Variants in CCDC73 observed in about 807,000 individuals in gnomAD.
CCDC73 encodes the protein coiled-coil domain-containing protein 73.
In CCDC73, 95 loss-of-function variants were observed where a neutral mutation model predicts 116.5. That is an observed-to-expected ratio of 0.82 (90% CI 0.69 to 0.97). The LOEUF (loss-of-function observed/expected upper bound fraction) is 0.97, where lower values mean the gene tolerates loss of function less well. Ranked by LOEUF, CCDC73 falls within the 50% of genes least tolerant of loss-of-function variation. The pLI is 0.00. For missense variants in CCDC73, 1,066 were observed against 1,206.8 expected, an observed-to-expected ratio of 0.88 and a Z score of 1.73; for synonymous variants, 398 against 401.3, an observed-to-expected ratio of 0.99 and a Z score of 0.10.
intron 3 of CCDC73, among the ~76,000 whole-genome samples, chr11:32,714,470 A>C (rs747283833): frequency 2.6e-5 from 4 of 152,148 alleles, no homozygotes; most frequent in Non-Finnish European, 5.9e-5. Context: ...CCAAAAGCTC[A>C]GAGGTAATGT....
chr11:32,646,962 T>G (rs1293393548), intron 12 of CCDC73, among the ~76,000 whole-genome samples: 2 of 152,182 alleles, frequency 1.3e-5, no homozygotes, highest in African/African-American at 4.8e-5. Context: ...TTCTCTGAGT[T>G]TCTTTATAAA....
At chr11:32,756,876 A>T (rs1850348731) in intron 2 of CCDC73, among the ~76,000 whole-genome samples, 1 of 152,152 alleles carries the variant, frequency 6.6e-6, no homozygotes, top group African/African-American at 2.4e-5. Context: ...AAAATTTGCA[A>T]TAAAGATTTG....
the CCDC73 span, chr11:32,830,123 A>G: frequency 1.0e-6 from 1 of 996,790 alleles, no homozygotes; most frequent in South Asian, 4.7e-5. Flanking sequence ...GAACCGCCCC[A>G]AGAAGAGCCT....
intron 2 of CCDC73, among the ~76,000 whole-genome samples, chr11:32,750,251 C>A (rs1850275827): frequency 6.6e-6 from 1 of 152,150 alleles, no homozygotes; most frequent in South Asian, 2.1e-4. Flanking sequence ...GACACAAGCA[C>A]CCCTGTGACG....
Position 32,642,065 on chromosome 11 carries a change from A to G in CCDC73, c.957T>C (p.Asn319=). The stretch of plus-strand genomic sequence containing the variant: ...CTTTTACCTTCTCCCTTTGCAGCTC[A>G]TTATCTCTTTCAAGGGTCTGCAATA... The part of the protein sequence containing the change: ...KENNQTLERD[N]ELQREKVKEN... The change falls in exon 13 of 18, where the codon AAT becomes AAC. Residue 319 remains asparagine (N), a synonymous_variant. Coordinates refer to ENST00000335185, the MANE Select transcript of CCDC73 (RefSeq NM_001008391.4). 1 of 1,561,858 alleles carries G rather than the reference A, an allele frequency of 6.4e-7. No individual in the cohort carries two copies. Among genetic ancestry groups the G allele is most frequent in the Non-Finnish European group, 8.7e-7 (1 of 1,155,030 alleles).
At chr11:32,692,456 C>T (rs1329296011) in intron 6 of CCDC73, among the ~76,000 whole-genome samples, 7 of 151,972 alleles carry the variant, frequency 4.6e-5, no homozygotes, top group Non-Finnish European at 1.0e-4. Context: ...CTAGAAATAA[C>T]ATGTTATATA....
At chr11:32,819,067 G>A in the CCDC73 span, among the ~76,000 whole-genome samples, 2,728 of 151,802 alleles carry the variant, frequency 0.018, 83 homozygotes, top group African/African-American at 0.061. Flanking sequence ...GGTAAATTTT[G>A]TTATGTAAAT....
intron 1 of CCDC73, among the ~76,000 whole-genome samples, chr11:32,776,311 A>C (rs934633796): frequency 6.6e-6 from 1 of 152,144 alleles, no homozygotes; most frequent in Non-Finnish European, 1.5e-5. Context: ...TTTCTCCAGA[A>C]TTATTTTGCA....
chr11:32,730,777 T>C (rs982780522), intron 2 of CCDC73, among the ~76,000 whole-genome samples: 4 of 152,110 alleles, frequency 2.6e-5, no homozygotes, highest in African/African-American at 4.8e-5. Flanking sequence ...GCTAAATCTA[T>C]TGAGTTCTGA....
Position 32,699,317 on chromosome 11 carries a change from A to T in CCDC73, c.324T>A (p.Tyr108Ter). 1 of 1,571,778 alleles carries T rather than the reference A, an allele frequency of 6.4e-7. No homozygotes were observed. Among genetic ancestry groups the T allele is most frequent in the African/African-American group, 1.4e-5 (1 of 74,040 alleles). Residue 108 changes from tyrosine (Y) to a stop codon, truncating the protein, a stop_gained, in exon 6 of 18, where the codon TAT (tyrosine) becomes TAA (stop). Transcript: ENST00000335185. LOFTEE classifies it high-confidence loss of function. The stretch of plus-strand genomic sequence containing the variant: ...TTTCCTTTATTTCTGTAGCAAGTTG[A>T]TATTTTCCCTTTAAGTAAAAAACTG... ...MCALEEEKGK[Y>*]QLATEIKEKE...
Position 32,755,712 on chromosome 11 carries a change from T to TCC in CCDC73, c.135+4396_135+4397insGG, listed in dbSNP as rs1181439232. Among the ~76,000 whole-genome samples the TCC allele has an allele frequency of 3.2e-3, 146 of 45,088 alleles. 8 individuals are homozygous for TCC. Among genetic ancestry groups the TCC allele is most frequent in the African/African-American group, 0.014 (139 of 9,830 alleles). 29.6% of individuals were successfully genotyped at this position (45,088 alleles called of 152,430 possible). ...ATATATGTGTATATATATATCTCCA[T>TCC]ATATATGTGTATATATATATCTCCA... On this transcript the variant is annotated intron_variant, in intron 2 of 17. Transcript: ENST00000335185.
At chr11:32,753,623 C>A (rs1454119535) in intron 2 of CCDC73, among the ~76,000 whole-genome samples, 1 of 152,098 alleles carries the variant, frequency 6.6e-6, no homozygotes, top group East Asian at 1.9e-4. Context: ...CATCACCATG[C>A]CCAGCTAATT....
intron 13 of CCDC73, among the ~76,000 whole-genome samples, chr11:32,640,831 C>T (rs1001777830): frequency 5.3e-5 from 8 of 152,000 alleles, no homozygotes; most frequent in African/African-American, 1.9e-4. Context: ...TCCTGGCTAA[C>T]ACAGTGAAAC....
At chr11:32,628,213 A>AT (rs1855594635) in intron 14 of CCDC73, among the ~76,000 whole-genome samples, 1 of 152,196 alleles carries the variant, frequency 6.6e-6, no homozygotes, top group Admixed American at 6.5e-5. Context: ...AAAAAGTGAG[A>AT]TGAACCCTAT....
chr11:32,677,757 T>C (rs542523338), intron 7 of CCDC73, among the ~76,000 whole-genome samples: 2 of 150,882 alleles, frequency 1.3e-5, no homozygotes, highest in East Asian at 3.9e-4. Flanking sequence ...TTCGTGACCA[T>C]CCTGACCAAC....
At chr11:32,604,273 GC>G (rs1193611019) in intron 17 of CCDC73, 2 of 152,062 alleles carry the variant, frequency 1.3e-5, no homozygotes, top group Non-Finnish European at 2.9e-5. Flanking sequence ...ACAGGCATGT[GC>G]CACCACACCC....
the CCDC73 span, among the ~76,000 whole-genome samples, chr11:32,802,364 A>T: frequency 1.3e-5 from 2 of 152,374 alleles, no homozygotes; most frequent in South Asian, 2.1e-4. Flanking sequence ...ATTTAATCTT[A>T]GTGAATCAAA....
Position 32,613,537 on chromosome 11 carries a change from G to A in CCDC73, c.2781C>T (p.Cys927=), listed in dbSNP as rs750657243. ...ESQTASSSTP[C]ISLLLKERPL... ...GTCTCTCCTTCAGCAACAAAGAAATGCAAGGGGTCGAACTGCTCGCTGTTT... is the reference window on the plus strand; with the variant it reads ...GTCTCTCCTTCAGCAACAAAGAAATACAAGGGGTCGAACTGCTCGCTGTTT... Residue 927 remains cysteine (C), a synonymous_variant, in exon 16 of 18, where the codon TGC becomes TGT. Transcript: ENST00000335185. 7 of 1,614,058 alleles carry A rather than the reference G, an allele frequency of 4.3e-6. No individual in the cohort carries two copies. Among genetic ancestry groups the A allele is most frequent in the Non-Finnish European group, 5.9e-6 (7 of 1,179,992 alleles).
intron 6 of CCDC73, among the ~76,000 whole-genome samples, chr11:32,689,394 A>G (rs2133301778): frequency 6.6e-6 from 1 of 152,268 alleles, no homozygotes; most frequent in African/African-American, 2.4e-5. Flanking sequence ...ACAATTTAAA[A>G]TGTATGAACC....
Sources: gnomAD v4.1 joint callset for allele counts (sites outside exome capture counted in the v4.1 genomes callset) on GRCh38, gnomAD v4.1.1 for gene constraint, MANE v1.5 for transcripts, NCBI Gene and HGNC (gene_info 2026-07-23, HGNC 2026-07-21) for gene names.